Variants in NAV2 observed in about 807,000 individuals in gnomAD.
NAV2 encodes the protein neuron navigator 2.
In NAV2, 54 loss-of-function variants were observed where a neutral mutation model predicts 223.2. That is an observed-to-expected ratio of 0.24 (90% CI 0.19 to 0.30). The LOEUF is 0.30. Ranked by LOEUF, NAV2 falls within the 10% of genes least tolerant of loss-of-function variation. The pLI is 1.00. For missense variants in NAV2, 2,806 were observed against 3,147.5 expected (o/e 0.89, Z 2.60); for synonymous variants, 1,279 against 1,239.3 (o/e 1.03, Z -0.67).
intron 1 of NAV2, among the ~76,000 whole-genome samples, chr11:19,439,733 C>A (rs1268227762): frequency 6.6e-6 from 1 of 152,224 alleles, no homozygotes; most frequent in Admixed American, 6.5e-5. Context: ...GTGACTGATG[C>A]AATTTCCTAG....
intron 1 of NAV2, among the ~76,000 whole-genome samples, chr11:19,724,134 A>T (rs2051024349): frequency 6.6e-6 from 1 of 152,220 alleles, no homozygotes; most frequent in Admixed American, 6.5e-5. Context: ...TCCATTGTAC[A>T]GATGAAGAAA....
At chr11:20,014,069 G>A (rs2053806565) in intron 11 of NAV2, among the ~76,000 whole-genome samples, 1 of 152,216 alleles carries the variant, frequency 6.6e-6, no homozygotes, top group Admixed American at 6.5e-5. Context: ...TTGGGTGAAG[G>A]AAGTGGAGTG....
chr11:19,439,327 A>G (rs1304537721), intron 1 of NAV2, among the ~76,000 whole-genome samples: 3 of 152,150 alleles, frequency 2.0e-5, no homozygotes, highest in Non-Finnish European at 4.4e-5. Context: ...GAGGAGAGAG[A>G]GGATCAGAAA....
At chr11:20,091,171 C>T (rs950092803) in intron 27 of NAV2, among the ~76,000 whole-genome samples, 153 bp downstream of exon 27, 3 of 152,248 alleles carry the variant, frequency 2.0e-5, no homozygotes, top group African/African-American at 7.2e-5. Flanking sequence ...CCACACATTG[C>T]TCAAAGACCC....
intron 1 of NAV2, among the ~76,000 whole-genome samples, chr11:19,780,534 G>A (rs2056644563): frequency 6.6e-6 from 1 of 152,274 alleles, no homozygotes; most frequent in Admixed American, 6.5e-5. Context: ...AATGCACGGA[G>A]TGCAGGTAGT....
At chr11:19,949,167 T>A in intron 10 of NAV2, 87 bp downstream of exon 10, 1 of 1,428,642 alleles carries the variant, frequency 7.0e-7, no homozygotes, top group South Asian at 1.5e-5. Context: ...TTGATTCTTC[T>A]GGAGGAGGTC....
intron 1 of NAV2, among the ~76,000 whole-genome samples, chr11:19,773,363 T>C (rs1487964502): frequency 6.6e-6 from 1 of 152,130 alleles, no homozygotes; most frequent in Non-Finnish European, 1.5e-5. Flanking sequence ...GGCTCCACAG[T>C]ACCAGAACAC....
intron 1 of NAV2, among the ~76,000 whole-genome samples, chr11:19,742,354 A>G (rs1196797556): frequency 6.6e-6 from 1 of 152,258 alleles, no homozygotes; most frequent in Non-Finnish European, 1.5e-5. Flanking sequence ...TCTTTGTGAG[A>G]ATTAAAGAAG....
chr11:19,410,428 A>G (rs957629883), intron 1 of NAV2, among the ~76,000 whole-genome samples: 2 of 152,198 alleles, frequency 1.3e-5, no homozygotes, highest in African/African-American at 2.4e-5. Flanking sequence ...TCTACTAAGT[A>G]GCAGTTATTA....
At chr11:19,618,492 AGATGGATGGATGGATGGATGGATGGATG>A (rs72080375) in intron 1 of NAV2, among the ~76,000 whole-genome samples, 8 of 137,002 alleles carry the variant, frequency 5.8e-5, no homozygotes, top group Admixed American at 5.1e-4. Context: ...CTGTCTGGAT[AGATGGATGGATGGATGGATGGATGGATG>A]GATGGATGGA....
At chr11:19,631,480 C>A (rs940018143) in intron 1 of NAV2, among the ~76,000 whole-genome samples, 2 of 152,166 alleles carry the variant, frequency 1.3e-5, no homozygotes, top group Admixed American at 1.3e-4. Flanking sequence ...AGACAGAAAG[C>A]ACAACAAGTG....
At chr11:19,765,490 C>T (rs929802523) in intron 1 of NAV2, among the ~76,000 whole-genome samples, 3 of 151,320 alleles carry the variant, frequency 2.0e-5, no homozygotes, top group Non-Finnish European at 2.9e-5. Flanking sequence ...TCTCCTTCTC[C>T]TTCCAACCCT....
intron 32 of NAV2, 93 bp downstream of exon 32, chr11:20,101,265 C>G (rs1335349530): frequency 9.7e-7 from 1 of 1,025,828 alleles, no homozygotes; most frequent in Non-Finnish European, 1.5e-6. Flanking sequence ...CATTTCCTAT[C>G]AACAATCCTT....
intron 1 of NAV2, among the ~76,000 whole-genome samples, chr11:19,813,991 T>C (rs904392744): frequency 6.6e-6 from 1 of 152,176 alleles, no homozygotes. Context: ...CAAGCAGGAC[T>C]TTCATCTGTG....
chr11:19,831,228 G>A (rs745956446), intron 1 of NAV2, among the ~76,000 whole-genome samples: 7 of 111,016 alleles, frequency 6.3e-5, no homozygotes, highest in South Asian at 3.6e-4. Context: ...TGTTGCGGGG[G>A]GGGGGGGGGC....
At chr11:19,502,379 C>T (rs186591406) in intron 1 of NAV2, among the ~76,000 whole-genome samples, 2 of 152,126 alleles carry the variant, frequency 1.3e-5, no homozygotes, top group Admixed American at 6.5e-5. Context: ...TAGAATAGAG[C>T]CAAAGAACTC....
intron 31 of NAV2, among the ~76,000 whole-genome samples, 200 bp from the exon 32 acceptor site, chr11:20,100,737 G>T (rs139072171): frequency 6.6e-6 from 1 of 152,152 alleles, no homozygotes; most frequent in Non-Finnish European, 1.5e-5. Flanking sequence ...AGCACATGGC[G>T]TTGATGAACA....
chr11:19,644,572 A>T (rs1357650893), intron 1 of NAV2, among the ~76,000 whole-genome samples: 1 of 152,216 alleles, frequency 6.6e-6, no homozygotes, highest in African/African-American at 2.4e-5. Flanking sequence ...TGCTTTGAGG[A>T]TCCCTCAGCC....
chr11:19,794,712 G>A (rs1369888470), intron 1 of NAV2, among the ~76,000 whole-genome samples: 1 of 152,116 alleles, frequency 6.6e-6, no homozygotes, highest in Admixed American at 6.5e-5. Context: ...AGGGACCTAA[G>A]TGCCAGTAGC....
Sources: gnomAD v4.1 joint callset for allele counts (sites outside exome capture counted in the v4.1 genomes callset) on GRCh38, gnomAD v4.1.1 for gene constraint, MANE v1.5 for transcripts, NCBI Gene and HGNC (gene_info 2026-07-23, HGNC 2026-07-21) for gene names.